Variants in SYNDIG1L observed in about 807,000 individuals in gnomAD.
The protein encoded by SYNDIG1L is synapse differentiation inducing 1 like, also known as synapse differentiation-inducing gene protein 1-like.
SYNDIG1L carries 13 observed loss-of-function variants against 20.1 expected under a neutral mutation model. The observed-to-expected ratio is 0.65, with a 90% CI of 0.42 to 1.03. The LOEUF is 1.03. SYNDIG1L is among the 50% of genes least tolerant of loss of function. The pLI is 0.00. For missense variants in SYNDIG1L, 294 were observed against 305.1 expected (o/e 0.96, Z 0.27); for synonymous variants, 128 against 129.3 (o/e 0.99, Z 0.07).
the SYNDIG1L span, chr14:74,471,902 C>T: frequency 2.8e-4 from 42 of 152,092 alleles, no homozygotes; most frequent in African/African-American, 8.2e-4. Context: ...GAAGTCATAG[C>T]GTTAACATAT....
chr14:74,471,702 G>C, the SYNDIG1L span, among the ~76,000 whole-genome samples: 1 of 152,132 alleles, frequency 6.6e-6, no homozygotes, highest in South Asian at 2.1e-4. Flanking sequence ...CATTTAATGT[G>C]CAACTATAGT....
the SYNDIG1L span, among the ~76,000 whole-genome samples, chr14:74,432,180 T>TGTGTGAGAGA: frequency 1.5e-3 from 188 of 124,118 alleles, no homozygotes; most frequent in Middle Eastern, 3.8e-3. Context: ...TGTGTGTGTG[T>TGTGTGAGAGA]GAGAGAGAGA....
chr14:74,456,246 T>C, the SYNDIG1L span, among the ~76,000 whole-genome samples: 1 of 152,136 alleles, frequency 6.6e-6, no homozygotes, highest in African/African-American at 2.4e-5. Context: ...TTTAAGATCC[T>C]TTGCTGGGCG....
At chr14:74,464,251 G>T in the SYNDIG1L span, among the ~76,000 whole-genome samples, 4 of 152,092 alleles carry the variant, frequency 2.6e-5, no homozygotes, top group African/African-American at 9.7e-5. Flanking sequence ...GGAGCTGGTT[G>T]GTATATCACC....
chr14:74,422,403 G>A (rs1298726011), intron 1 of SYNDIG1L, among the ~76,000 whole-genome samples: 1 of 152,132 alleles, frequency 6.6e-6, no homozygotes, highest in Non-Finnish European at 1.5e-5. Flanking sequence ...GAAAGGGGTT[G>A]GAAAATGCAG....
chr14:74,427,287 C>A (rs1326593149), upstream of SYNDIG1L, among the ~76,000 whole-genome samples: 1 of 152,082 alleles, frequency 6.6e-6, no homozygotes, highest in Non-Finnish European at 1.5e-5. Context: ...GCAAAGTAAA[C>A]CACAGAGCAG....
At chr14:74,427,113 G>A (rs1031190030), upstream of SYNDIG1L, among the ~76,000 whole-genome samples, 1 of 108,364 alleles carries the variant, frequency 9.2e-6, no homozygotes, top group Admixed American at 9.7e-5. Flanking sequence ...CTCCACCTGC[G>A]TTTCCTTTTT....
chr14:74,417,710 G>T (rs922519958), intron 1 of SYNDIG1L, among the ~76,000 whole-genome samples: 1 of 152,178 alleles, frequency 6.6e-6, no homozygotes, highest in Non-Finnish European at 1.5e-5. Context: ...CTCCTTTCAG[G>T]GCATAACTGC....
At chr14:74,407,754 C>T in intron 3 of SYNDIG1L, 61 bp from the exon 4 acceptor site, 1 of 1,574,814 alleles carries the variant, frequency 6.3e-7, no homozygotes, top group East Asian at 2.2e-5. Flanking sequence ...ACAGCCCAGC[C>T]TGCCAGGCCC....
the SYNDIG1L span, chr14:74,480,021 TA>T: frequency 1.4e-3 from 1,914 of 1,373,998 alleles, 9 homozygotes; most frequent in African/African-American, 0.014. Context: ...TTAATGTTGT[TA>T]AAAAAAAAAT....
the SYNDIG1L span, among the ~76,000 whole-genome samples, chr14:74,441,140 A>G: frequency 1.3e-5 from 2 of 152,260 alleles, no homozygotes; most frequent in Admixed American, 1.3e-4. Flanking sequence ...TAGATATATG[A>G]GTCCTCCTAA....
the SYNDIG1L span, among the ~76,000 whole-genome samples, chr14:74,441,657 C>T: frequency 2.0e-5 from 3 of 151,994 alleles, no homozygotes; most frequent in Non-Finnish European, 2.9e-5. Flanking sequence ...AGGTGAGTGC[C>T]GCCATGCTTG....
the SYNDIG1L span, among the ~76,000 whole-genome samples, chr14:74,457,671 T>C: frequency 1.3e-5 from 2 of 151,892 alleles, no homozygotes; most frequent in African/African-American, 2.4e-5. Flanking sequence ...GATTATCCTA[T>C]AGAAGGGGGG....
At chr14:74,448,232 C>A in the SYNDIG1L span, among the ~76,000 whole-genome samples, 6 of 151,830 alleles carry the variant, frequency 4.0e-5, no homozygotes, top group Non-Finnish European at 5.9e-5. Flanking sequence ...AAACAAAAAC[C>A]AAGACCTAAC....
chr14:74,474,075 C>T, the SYNDIG1L span: 2 of 152,200 alleles, frequency 1.3e-5, no homozygotes, highest in Non-Finnish European at 2.9e-5. Context: ...TAGTCCTCTG[C>T]ACTAGCCTAT....
intron 2 of SYNDIG1L, 33 bp downstream of exon 2, chr14:74,409,295 G>T: frequency 2.2e-6 from 3 of 1,372,476 alleles, no homozygotes; most frequent in South Asian, 1.8e-5. Context: ...TGTTGCTCAT[G>T]CTGGAATCTG....
At chr14:74,469,620 C>T in the SYNDIG1L span, among the ~76,000 whole-genome samples, 1 of 152,194 alleles carries the variant, frequency 6.6e-6, no homozygotes, top group Non-Finnish European at 1.5e-5. Context: ...GTGCAGAGGT[C>T]ATCACCTGTC....
intron 2 of SYNDIG1L, among the ~76,000 whole-genome samples, chr14:74,409,090 A>AT (rs201848349): frequency 1.2e-5 from 1 of 85,908 alleles, no homozygotes; most frequent in Non-Finnish European, 2.4e-5. Flanking sequence ...ATTTATTTAT[A>AT]TTTTTTTGAG....
chr14:74,407,955 T>C lies in SYNDIG1L; in HGVS notation c.452A>G (p.Asp151Gly). ...DATSTESESE[D>G]NFLTLPPRDH... ...CCTGGGAGGCAGCGTGAGGAAGTTG[T>C]CTTCACTTTCACTCTCCGTTGAAGT... The change falls in exon 3 of 4, where the codon GAC becomes GGC. Residue 151 changes from aspartate (D) to glycine (G), a missense_variant. Asp to Gly is a moderately conservative substitution (Grantham distance 94). Coordinates refer to ENST00000331628, the MANE Select transcript of SYNDIG1L (RefSeq NM_001105579.2). 6.2e-7 allele frequency: 1 copy of C among 1,613,348 alleles called. No individual in the cohort carries two copies. Among genetic ancestry groups the C allele is most frequent in the Non-Finnish European group, 8.5e-7 (1 of 1,179,636 alleles).
Sources: allele counts gnomAD v4.1 joint callset (sites outside exome capture counted in the v4.1 genomes callset), GRCh38; gene constraint gnomAD v4.1.1; transcripts MANE v1.5; gene names NCBI Gene and HGNC (gene_info 2026-07-23, HGNC 2026-07-21).